LRRCC1: variants seen among roughly 807,000 people sequenced by gnomAD.
The protein encoded by LRRCC1 is leucine-rich repeat and coiled-coil domain-containing protein 1.
In LRRCC1, 115 loss-of-function variants were observed where a neutral mutation model predicts 126.0. That is an observed-to-expected ratio of 0.91 (90% CI 0.78 to 1.07). The LOEUF is 1.07. Ranked by LOEUF, LRRCC1 falls within the 50% of genes least tolerant of loss-of-function variation. The pLI is 0.00. For synonymous variants in LRRCC1, 400 were observed against 393.4 expected (o/e 1.02, Z -0.20); for missense variants, 1,172 against 1,175.7 (o/e 1.00, Z 0.05).
At chr8:85,135,694 G>C (rs1257942538) in intron 13 of LRRCC1, 95 bp from the exon 14 acceptor site, 3 of 810,726 alleles carry the variant, frequency 3.7e-6, no homozygotes, top group Non-Finnish European at 5.1e-6. Flanking sequence ...ACTTGTATTT[G>C]CTTAAATAAC....
chr8:85,107,243 C>T lies in LRRCC1; in HGVS notation c.-53C>T, dbSNP rs565598008. 110 of 1,545,808 alleles carry T rather than the reference C, an allele frequency of 7.1e-5. No individual in the cohort carries two copies. In the South Asian group the frequency reaches 1.1e-3, roughly 15 times the overall value. ...GCTTCCGGGAGGCTTGTCCCAAGCT[C>T]ACGGACCCCTCGCTGGGTGCCGGTT... On this transcript the variant is annotated 5_prime_UTR_variant, in exon 1 of 19. Coordinates refer to ENST00000360375, the MANE Select transcript of LRRCC1 (RefSeq NM_033402.5).
intron 9 of LRRCC1, 136 bp downstream of exon 9, chr8:85,126,973 T>G (rs1810060733): frequency 1.4e-6 from 1 of 697,502 alleles, no homozygotes; most frequent in Admixed American, 3.1e-5. Context: ...ACTAATTTTA[T>G]TAGACAATTT....
At chr8:85,131,657 T>C in intron 11 of LRRCC1, 103 bp from the exon 12 acceptor site, 1 of 850,624 alleles carries the variant, frequency 1.2e-6, no homozygotes, top group South Asian at 1.9e-5. Flanking sequence ...GATACTGAAT[T>C]AACAATACTG....
intron 8 of LRRCC1, 96 bp downstream of exon 8, chr8:85,125,035 G>A (rs1177292790): frequency 2.5e-6 from 2 of 815,668 alleles, no homozygotes; most frequent in Admixed American, 3.4e-5. Flanking sequence ...AAAAGTGTTT[G>A]AATTTTATTG....
rs1488047119 is a variant in LRRCC1, at chr8:85,131,863, G to A, written c.1870G>A (p.Glu624Lys). The A allele has an allele frequency of 2.5e-6, 4 of 1,613,676 alleles. No homozygotes were observed. The African/African-American group carries it at 5.3e-5, about 22-fold the overall frequency. Residue 624 changes from glutamate (E) to lysine (K), a missense_variant, in exon 12 of 19, where the codon GAA (glutamate) becomes AAA (lysine). Transcript: ENST00000360375. ...GAAAAAGCATGAGCAAATGATAAAA[G>A]AATACCAAGAGAAAATTGACGTGTT... The part of the protein sequence containing the change: ...EEKKHEQMIK[E>K]YQEKIDVLSQ...
intron 8 of LRRCC1, 65 bp from the exon 9 acceptor site, chr8:85,126,624 A>C (rs1332947975): frequency 4.3e-6 from 6 of 1,398,370 alleles, no homozygotes; most frequent in Non-Finnish European, 5.9e-6. Flanking sequence ...ATAAATGGGA[A>C]AATTGAGGCT....
intron 11 of LRRCC1, among the ~76,000 whole-genome samples, chr8:85,130,831 A>G (rs1469007234): frequency 6.6e-6 from 1 of 152,244 alleles, no homozygotes; most frequent in Non-Finnish European, 1.5e-5. Context: ...TTTGTAGCAC[A>G]AAAGTAGCCA....
intron 11 of LRRCC1, among the ~76,000 whole-genome samples, chr8:85,130,331 AT>A (rs1810374001): frequency 6.7e-6 from 1 of 149,552 alleles, no homozygotes; most frequent in Admixed American, 6.7e-5. Flanking sequence ...TTTAGTAGAG[AT>A]GGGGTTTCAC....
chr8:85,114,526 T>A (rs1808959276), intron 4 of LRRCC1, among the ~76,000 whole-genome samples: 1 of 152,094 alleles, frequency 6.6e-6, no homozygotes, highest in South Asian at 2.1e-4. Context: ...TTAGCCTTAG[T>A]ACCAAATGAA....
intron 17 of LRRCC1, among the ~76,000 whole-genome samples, chr8:85,139,750 G>A (rs75998856): frequency 0.034 from 5,236 of 152,270 alleles, 279 homozygotes; most frequent in African/African-American, 0.12. Flanking sequence ...ATTAATTCTC[G>A]TGTGAAGATA....
Position 85,138,479 on chromosome 8 carries a change from A to G in LRRCC1, c.2840+4A>G. ...ACAAAAGTATTGAACTACAAAAGTA[A>G]GCATTAGGTTCTAAAGGATTTGAGA... On this transcript the variant is annotated splice_donor_region_variant and intron_variant, in intron 17 of 18. Transcript: ENST00000360375. The G allele has an allele frequency of 1.9e-6, 3 of 1,606,968 alleles. No individual in the cohort carries two copies. The highest frequency in any genetic ancestry group is 2.5e-6 in the Non-Finnish European group (3 of 1,178,020).
At position 85,131,948 on chromosome 8, in the gene LRRCC1, GA is replaced by G; in HGVS notation, c.1957del (p.Arg653AspfsTer16). The G allele has an allele frequency of 6.2e-7, 1 of 1,609,902 alleles. No homozygotes were observed. The highest frequency in any genetic ancestry group is 8.5e-7 in the Non-Finnish European group (1 of 1,178,848). On this transcript the variant is annotated frameshift_variant, in exon 12 of 19. Coordinates refer to ENST00000360375, the MANE Select transcript of LRRCC1 (RefSeq NM_033402.5). LOFTEE classifies it high-confidence loss of function. ...EFRIALTVEARRFQDVKDGFE... is the reference protein window; with the variant it reads ...EFRIALTVEAXRFQDVKDGFE... The stretch of plus-strand genomic sequence containing the variant: ...CGTATTGCTTTAACTGTTGAAGCCA[GA>G]AGATTTCAAGATGTAAGAATTGGCA...
Position 85,123,485 on chromosome 8 carries a change from A to G in LRRCC1, c.1003A>G (p.Ser335Gly), listed in dbSNP as rs894994392. Reference protein sequence around the residue: ...PKRDTDITSESDYGNRKECNR... With the variant: ...PKRDTDITSEGDYGNRKECNR... ...AAGAGACACAGATATAACTTCTGAA[A>G]GTGACTATGGAAACAGAAAAGAATG... The change falls in exon 7 of 19, where the codon AGT becomes GGT. Residue 335 changes from serine to glycine, a missense_variant. Ser to Gly is a moderately conservative substitution (Grantham distance 56). Transcript: ENST00000360375. 1 of 1,611,572 alleles carries G rather than the reference A, an allele frequency of 6.2e-7. No homozygotes were observed. The highest frequency in any genetic ancestry group is 1.7e-5 in the Admixed American group (1 of 59,464).
chr8:85,138,354 T>C lies in LRRCC1; in HGVS notation c.2719T>C (p.Trp907Arg). 1 of 1,606,200 alleles carries C rather than the reference T, an allele frequency of 6.2e-7. No individual in the cohort carries two copies. The highest frequency in any genetic ancestry group is 1.7e-4 in the Middle Eastern group (1 of 6,014). ...RKAYSTLNRK[W>R]HDKGELLCHL... Reference sequence around the variant, plus strand: ...TCATATTAGTACACTGAATCGGAAGTGGCATGATAAAGGAGAACTTCTATG... The same window carrying C: ...TCATATTAGTACACTGAATCGGAAGCGGCATGATAAAGGAGAACTTCTATG... The change falls in exon 17 of 19, where the codon TGG (tryptophan) becomes CGG (arginine). Residue 907 changes from tryptophan (W) to arginine (R), a missense_variant. Trp to Arg is a moderately radical substitution (Grantham distance 101, BLOSUM62 -3). Coordinates refer to ENST00000360375, the MANE Select transcript of LRRCC1 (RefSeq NM_033402.5).
At chr8:85,128,156 C>T (rs1158492854) in intron 9 of LRRCC1, among the ~76,000 whole-genome samples, 1 of 151,934 alleles carries the variant, frequency 6.6e-6, no homozygotes, top group African/African-American at 2.4e-5. Context: ...TGAAATTATT[C>T]CCAAATTTTG....
In LRRCC1 at chr8:85,137,754, TTTC is replaced by T. The variant is rs1810974506; in HGVS notation, c.2493+130_2493+132del. On this transcript the variant is annotated intron_variant, in intron 15 of 18. Coordinates refer to ENST00000360375, the MANE Select transcript of LRRCC1 (RefSeq NM_033402.5). The stretch of plus-strand genomic sequence containing the variant: ...TAAAATTTGGGGTAGATATCATGCA[TTTC>T]TTTTTATAATATTTGCCCTTTTGCT... The T allele has an allele frequency of 4.7e-6, 3 of 634,918 alleles. No homozygotes were observed. In the African/African-American group the frequency reaches 5.7e-5, roughly 12 times the overall value. 39.3% of individuals were successfully genotyped at this position (634,918 alleles called of 1,614,324 possible).
In LRRCC1 at chr8:85,123,602, G is replaced by T. The variant is rs545008741; in HGVS notation, c.1120G>T (p.Val374Leu). The change falls in exon 7 of 19, where the codon GTA becomes TTA. Residue 374 changes from valine to leucine, a missense_variant. Coordinates refer to ENST00000360375, the MANE Select transcript of LRRCC1 (RefSeq NM_033402.5). ...CCACAATAAAAACTACAACTCTTTT[G>T]TAAGGTACTTGTTTTAGTTTTAGAA... The part of the protein sequence containing the change: ...KHHNKNYNSF[V>L]SCNRKMKPPY... 41 of 1,569,596 alleles carry T rather than the reference G, an allele frequency of 2.6e-5. No individual in the cohort carries two copies. Among genetic ancestry groups the T allele is most frequent in the Admixed American group, 8.5e-5 (4 of 47,100 alleles).
rs1158830444 is a variant in LRRCC1 at position 85,145,596 on chromosome 8, G to T, written c.*85G>T. The T allele has an allele frequency of 1.4e-5, 16 of 1,124,680 alleles. No individual in the cohort carries two copies. The highest frequency in any genetic ancestry group is 3.3e-5 in the African/African-American group (2 of 61,230). 69.7% of individuals were successfully genotyped at this position (1,124,680 alleles called of 1,614,324 possible). On this transcript the variant is annotated 3_prime_UTR_variant, in exon 19 of 19. Transcript: ENST00000360375. ...ATATTGTAATAGTAGTAACTGCTATGACTTTGAAATGTCTCTTTCTATACA... is the reference window on the plus strand; with the variant it reads ...ATATTGTAATAGTAGTAACTGCTATTACTTTGAAATGTCTCTTTCTATACA...
chr8:85,130,655 A>T (rs369437005), intron 11 of LRRCC1, among the ~76,000 whole-genome samples: 1 of 152,182 alleles, frequency 6.6e-6, no homozygotes, highest in African/African-American at 2.4e-5. Flanking sequence ...ACCCAGCCAA[A>T]AGTTGGTCTT....
Sources: allele counts gnomAD v4.1 joint callset (sites outside exome capture counted in the v4.1 genomes callset), GRCh38; gene constraint gnomAD v4.1.1; transcripts MANE v1.5; gene names NCBI Gene and HGNC (gene_info 2026-07-23, HGNC 2026-07-21).